Variants in NF1 observed in about 807,000 individuals in gnomAD.
The protein encoded by NF1 is neurofibromin.
A neutral mutation model predicts 325.7 loss-of-function variants in NF1; 122 were observed. That is an observed-to-expected ratio of 0.37 (90% CI 0.32 to 0.44). The LOEUF (loss-of-function observed/expected upper bound fraction) is 0.44, where lower values mean the gene tolerates loss of function less well. Ranked by LOEUF, NF1 falls within the 20% of genes least tolerant of loss-of-function variation. The pLI is 1.00. For synonymous variants in NF1, 1,091 were observed against 1,186.0 expected, an observed-to-expected ratio of 0.92 and a Z score of 1.65; for missense variants, 2,140 against 3,415.4, an observed-to-expected ratio of 0.63 and a Z score of 9.31.
intron 36 of NF1, chr17:31,296,191 A>G: frequency 6.2e-7 from 1 of 1,613,782 alleles, no homozygotes; most frequent in Non-Finnish European, 8.5e-7. Flanking sequence ...ATGGTAATGT[A>G]GACAAGTTTC....
chr17:31,129,270 A>G (rs1442221289), intron 1 of NF1, among the ~76,000 whole-genome samples: 2 of 152,098 alleles, frequency 1.3e-5, no homozygotes, highest in African/African-American at 4.8e-5. Flanking sequence ...CAGGGATACC[A>G]GTGAATCATA....
At chr17:31,145,154 A>G (rs1320638215) in intron 1 of NF1, among the ~76,000 whole-genome samples, 2 of 152,182 alleles carry the variant, frequency 1.3e-5, no homozygotes, top group African/African-American at 4.8e-5. Context: ...ACTGCCGTGA[A>G]TGCTCTTCTT....
In NF1 at chr17:31,195,795, G is replaced by GTA. The variant is rs1171541111; in HGVS notation, c.889-4618_889-4617dup. ...TTAAGGCTGAGTGATATATTCCATTGTATATATATACCAACATTTTATTTA... is the reference window on the plus strand; with the variant it reads ...TTAAGGCTGAGTGATATATTCCATTGTATATATATATACCAACATTTTATTTA... On this transcript the variant is annotated intron_variant, in intron 8 of 57. Transcript: ENST00000358273. Among the ~76,000 whole-genome samples, 6 of 151,600 alleles carry GTA rather than the reference G, an allele frequency of 4.0e-5. No homozygotes were observed. In the South Asian group the frequency reaches 1.0e-3, roughly 26 times the overall value.
At chr17:31,269,794 G>A (rs534252390) in intron 36 of NF1, among the ~76,000 whole-genome samples, 26 of 152,290 alleles carry the variant, frequency 1.7e-4, no homozygotes, top group Admixed American at 3.3e-4. Context: ...TTCAGCAAAA[G>A]TGGTTGGTCT....
At chr17:31,288,445 G>A (rs1457583705) in intron 36 of NF1, among the ~76,000 whole-genome samples, 2 of 151,590 alleles carry the variant, frequency 1.3e-5, no homozygotes, top group Non-Finnish European at 2.9e-5. Flanking sequence ...AATTGTTCAT[G>A]GGTATCAGAA....
chr17:31,281,842 A>C (rs1352043953), intron 36 of NF1, among the ~76,000 whole-genome samples: 1 of 152,058 alleles, frequency 6.6e-6, no homozygotes, highest in Non-Finnish European at 1.5e-5. Context: ...GAGTCACTTG[A>C]GTCCAGGAGT....
intron 54 of NF1, chr17:31,357,633 T>C: frequency 1.9e-6 from 1 of 514,422 alleles, no homozygotes; most frequent in Non-Finnish European, 3.5e-6. Context: ...TTTCCTCACT[T>C]AGAAGCAAAC....
chr17:31,197,410 A>C lies in NF1; in HGVS notation c.889-3012A>C, dbSNP rs991952717. Among the ~76,000 whole-genome samples, 8 of 137,320 alleles carry C rather than the reference A, an allele frequency of 5.8e-5. No homozygotes were observed. In the Admixed American group the frequency reaches 6.2e-4, roughly 11 times the overall value. 90.1% of individuals were successfully genotyped at this position (137,320 alleles called of 152,430 possible). On this transcript the variant is annotated intron_variant, in intron 8 of 57. Transcript: ENST00000358273. ...TTGATAGGGATTGCATTGAATCTGT[A>C]TATTGCTTTGGGTAATATTGTTACC...
At chr17:31,304,030 T>C (rs993991405) in intron 36 of NF1, 1 of 368,422 alleles carries the variant, frequency 2.7e-6, no homozygotes, top group Non-Finnish European at 4.9e-6. Context: ...CATTTACATA[T>C]GTAAAATGTA....
In NF1 at chr17:31,338,814, T is replaced by C. The variant is rs1555535059; in HGVS notation, c.6921+9T>C. On this transcript the variant is annotated intron_variant, in intron 46 of 57. Coordinates refer to ENST00000358273, the MANE Select transcript of NF1 (RefSeq NM_001042492.3). ...AGCCACTTCTTAATAAGGTAATTAC[T>C]GTATAGAAAATGAGTGCATTCATTT... 2 of 1,561,964 alleles carry C rather than the reference T, an allele frequency of 1.3e-6. No individual in the cohort carries two copies. Among genetic ancestry groups the C allele is most frequent in the Non-Finnish European group, 1.8e-6 (2 of 1,132,740 alleles).
At chr17:31,255,563 A>G (rs965173692) in intron 31 of NF1, among the ~76,000 whole-genome samples, 1 of 152,166 alleles carries the variant, frequency 6.6e-6, no homozygotes, top group Non-Finnish European at 1.5e-5. Flanking sequence ...ATGAGACAGT[A>G]TGTGTTCCTG....
intron 1 of NF1, 155 bp downstream of exon 1, chr17:31,095,524 G>T (rs1911592319): frequency 1.5e-6 from 1 of 668,340 alleles, no homozygotes; most frequent in African/African-American, 1.9e-5. Flanking sequence ...ATAAGTGGGG[G>T]TGGCCAAGGC....
At chr17:31,108,625 C>G (rs1047830255) in intron 1 of NF1, among the ~76,000 whole-genome samples, 1 of 152,204 alleles carries the variant, frequency 6.6e-6, no homozygotes, top group South Asian at 2.1e-4. Context: ...TCAATTTCTC[C>G]CTAGTCTTAT....
chr17:31,327,971 T>C (rs1456387969), intron 38 of NF1, 132 bp downstream of exon 38: 6 of 835,272 alleles, frequency 7.2e-6, no homozygotes, highest in Non-Finnish European at 1.2e-5. Flanking sequence ...GGTTAACCAC[T>C]GTGACCTCAT....
chr17:31,239,678 T>C (rs559759062), intron 29 of NF1, among the ~76,000 whole-genome samples: 1 of 152,164 alleles, frequency 6.6e-6, no homozygotes, highest in Non-Finnish European at 1.5e-5. Context: ...ATTTATGGGG[T>C]ACATGAAATA....
chr17:31,373,746 G>A (rs2070688536), intron 57 of NF1, among the ~76,000 whole-genome samples: 1 of 152,124 alleles, frequency 6.6e-6, no homozygotes, highest in Non-Finnish European at 1.5e-5. Flanking sequence ...AGTTAGCATT[G>A]TGTTACAACT....
chr17:31,134,240 T>G (rs571939676), intron 1 of NF1, among the ~76,000 whole-genome samples: 1 of 152,350 alleles, frequency 6.6e-6, no homozygotes, highest in African/African-American at 2.4e-5. Context: ...CATTTGATTG[T>G]AAGTATTCAA....
chr17:31,104,903 T>A (rs988703479), intron 1 of NF1, among the ~76,000 whole-genome samples: 6 of 152,162 alleles, frequency 3.9e-5, no homozygotes, highest in Admixed American at 2.0e-4. Flanking sequence ...TTAAAAATTG[T>A]TTATTATTCA....
At chr17:31,224,176 T>G (rs957121081) in intron 16 of NF1, among the ~76,000 whole-genome samples, 17 of 152,178 alleles carry the variant, frequency 1.1e-4, no homozygotes, top group African/African-American at 3.6e-4. Flanking sequence ...ATCAGGAGAC[T>G]TTTTCATTGG....
Sources: allele counts gnomAD v4.1 joint callset (sites outside exome capture counted in the v4.1 genomes callset), GRCh38; gene constraint gnomAD v4.1.1; transcripts MANE v1.5; gene names NCBI Gene and HGNC (gene_info 2026-07-23, HGNC 2026-07-21).